EEF2KMT: variants seen among roughly 807,000 people sequenced by gnomAD.
EEF2KMT encodes the protein eukaryotic elongation factor 2 lysine methyltransferase.
A neutral mutation model predicts 35.1 loss-of-function variants in EEF2KMT; 30 were observed. The ratio of observed to expected loss-of-function variants is 0.85; its 90% CI spans 0.64 to 1.16. The LOEUF (loss-of-function observed/expected upper bound fraction) is 1.16, where lower values mean the gene tolerates loss of function less well. Among genes scored for constraint, EEF2KMT ranks in the 50% most tolerant of loss-of-function variants. The pLI, the probability that EEF2KMT is intolerant of heterozygous loss-of-function variation, is 0.00. For synonymous variants in EEF2KMT, 190 were observed against 187.7 expected (o/e 1.01, Z -0.10); for missense variants, 499 against 438.2 (o/e 1.14, Z -1.24).
intron 6 of EEF2KMT, 50 bp from the exon 7 acceptor site, chr16:5,089,306 G>A (rs541126538): frequency 3.9e-5 from 62 of 1,596,196 alleles, no homozygotes; most frequent in Non-Finnish European, 5.2e-5. Flanking sequence ...ACAGGTCCAG[G>A]TCATGCTGAC....
intron 1 of EEF2KMT, 80 bp downstream of exon 1, chr16:5,097,564 G>A (rs1957499908): frequency 1.3e-5 from 20 of 1,521,674 alleles, no homozygotes; most frequent in Non-Finnish European, 1.6e-5. Flanking sequence ...AGCGCCAGGG[G>A]CTTCAGCACG....
chr16:5,087,668 C>T (rs1419754073), intron 7 of EEF2KMT, among the ~76,000 whole-genome samples: 1 of 151,880 alleles, frequency 6.6e-6, no homozygotes, highest in Non-Finnish European at 1.5e-5. Context: ...TGTGGTAGCA[C>T]GTGCCTGTAG....
At chr16:5,089,290 C>T (rs1273812224) in intron 6 of EEF2KMT, 34 bp from the exon 7 acceptor site, 2 of 1,599,034 alleles carry the variant, frequency 1.3e-6, no homozygotes, top group East Asian at 2.2e-5. Flanking sequence ...TGAAAGGGAC[C>T]AGTGGACAGG....
In EEF2KMT at chr16:5,084,785, G is replaced by A; in HGVS notation, c.*847C>T. 1 of 1,596,474 alleles carries A rather than the reference G, an allele frequency of 6.3e-7. No individual in the cohort carries two copies. Among genetic ancestry groups the A allele is most frequent in the African/African-American group, 1.3e-5 (1 of 74,988 alleles). On this transcript the variant is annotated 3_prime_UTR_variant, in exon 8 of 8. Transcript: ENST00000427587. Reference sequence around the variant, plus strand: ...CAAACTTTCCTGATCCTGCGGGCAAGCTAAACCAGTTCCGGAAGAACCTGC... The same window carrying A: ...CAAACTTTCCTGATCCTGCGGGCAAACTAAACCAGTTCCGGAAGAACCTGC...
At chr16:5,087,413 C>G (rs1182523427) in intron 7 of EEF2KMT, 1 of 152,174 alleles carries the variant, frequency 6.6e-6, no homozygotes, top group Non-Finnish European at 1.5e-5. Context: ...GCCACAAACT[C>G]CTGGGCTTAA....
chr16:5,084,879 T>C lies in EEF2KMT; in HGVS notation c.*753A>G, dbSNP rs3204229. On this transcript the variant is annotated 3_prime_UTR_variant, in exon 8 of 8. Coordinates refer to ENST00000427587, the MANE Select transcript of EEF2KMT (RefSeq NM_201400.4). ...TGTGCTCCCTTTGGTTATGGACACA[T>C]AACTCCTGGGCCAGAGGCTAAAACC... is the stretch of plus-strand genomic sequence containing the variant. 12 of 1,592,846 alleles carry C rather than the reference T, an allele frequency of 7.5e-6. No homozygotes were observed. Among genetic ancestry groups the C allele is most frequent in the East Asian group, 2.2e-5 (1 of 44,766 alleles).
chr16:5,084,975 C>T lies in EEF2KMT; in HGVS notation c.*657G>A. On this transcript the variant is annotated 3_prime_UTR_variant, in exon 8 of 8. Transcript: ENST00000427587. Reference sequence around the variant, plus strand: ...GGGCAAACCCTTTCGAGCAGCACCTCCCAGTGGCCAGAAGCTGAAATGACA... The same window carrying T: ...GGGCAAACCCTTTCGAGCAGCACCTTCCAGTGGCCAGAAGCTGAAATGACA... The T allele has an allele frequency of 6.3e-7, 1 of 1,586,360 alleles. No homozygotes were observed. The highest frequency in any genetic ancestry group is 8.5e-7 in the Non-Finnish European group (1 of 1,170,852).
intron 3 of EEF2KMT, 49 bp downstream of exon 3, chr16:5,093,435 C>T: frequency 6.2e-7 from 1 of 1,611,286 alleles, no homozygotes; most frequent in Non-Finnish European, 8.5e-7. Flanking sequence ...CTCCAGCACG[C>T]AGGTGGCTAT....
rs1334574349 is a variant in EEF2KMT at position 5,097,720 on chromosome 16, G to C, written c.20C>G (p.Ala7Gly). MAPEEN[A>G]GTELLLQSFE... Reference sequence around the variant, plus strand: ...ACTCTGCAGCAAGAGTTCGGTCCCCGCGTTCTCCTCGGGCGCCATGACGTG... The same window carrying C: ...ACTCTGCAGCAAGAGTTCGGTCCCCCCGTTCTCCTCGGGCGCCATGACGTG... The change falls in exon 1 of 8, where the codon GCG becomes GGG. Residue 7 changes from alanine to glycine, a missense_variant. Transcript: ENST00000427587. The C allele has an allele frequency of 6.4e-7, 1 of 1,571,566 alleles. No homozygotes were observed. The highest frequency in any genetic ancestry group is 1.8e-5 in the Admixed American group (1 of 54,932).
chr16:5,096,901 C>G (rs1957480556), intron 1 of EEF2KMT, among the ~76,000 whole-genome samples: 1 of 152,242 alleles, frequency 6.6e-6, no homozygotes. Context: ...GAAATGATCT[C>G]TGAGTGCAAA....
chr16:5,084,972 C>T lies in EEF2KMT; in HGVS notation c.*660G>A. On this transcript the variant is annotated 3_prime_UTR_variant, in exon 8 of 8. Coordinates refer to ENST00000427587, the MANE Select transcript of EEF2KMT (RefSeq NM_201400.4). ...TCAGGGCAAACCCTTTCGAGCAGCACCTCCCAGTGGCCAGAAGCTGAAATG... is the reference window on the plus strand; with the variant it reads ...TCAGGGCAAACCCTTTCGAGCAGCATCTCCCAGTGGCCAGAAGCTGAAATG... 1 of 1,589,464 alleles carries T rather than the reference C, an allele frequency of 6.3e-7. No homozygotes were observed. The highest frequency in any genetic ancestry group is 8.5e-7 in the Non-Finnish European group (1 of 1,173,578).
rs1455513302 is a variant in EEF2KMT, at chr16:5,095,442, G to A, written c.159+10C>T. ...AGGGTCATGAGTCCCAGGGACTCTG[G>A]GATTCTTACCTTGTGCAAAATATCC... is the stretch of plus-strand genomic sequence containing the variant. On this transcript the variant is annotated intron_variant, in intron 2 of 7. Transcript: ENST00000427587. 1 of 1,611,482 alleles carries A rather than the reference G, an allele frequency of 6.2e-7. No homozygotes were observed. The highest frequency in any genetic ancestry group is 1.3e-5 in the African/African-American group (1 of 74,944).
chr16:5,093,424 G>A (rs1397140480), intron 3 of EEF2KMT, 60 bp downstream of exon 3: 6 of 1,609,628 alleles, frequency 3.7e-6, no homozygotes, highest in Admixed American at 1.7e-5. Flanking sequence ...AAGGACGGGG[G>A]CTCCAGCACG....
intron 1 of EEF2KMT, 45 bp from the exon 2 acceptor site, chr16:5,095,559 G>C: frequency 6.2e-7 from 1 of 1,609,760 alleles, no homozygotes; most frequent in Non-Finnish European, 8.5e-7. Context: ...GCATTCACAG[G>C]AACATTAAAC....
chr16:5,097,548 G>A, intron 1 of EEF2KMT, 96 bp downstream of exon 1: 1 of 1,507,778 alleles, frequency 6.6e-7, no homozygotes, highest in Non-Finnish European at 8.8e-7. Context: ...GAACTCACGT[G>A]GCGGGAGCGC....
chr16:5,097,789 C>T lies in EEF2KMT; in HGVS notation c.-50G>A, dbSNP rs1596284058. 2.0e-6 allele frequency: 3 copies of T among 1,528,214 alleles called. No individual in the cohort carries two copies. In the East Asian group the frequency reaches 7.4e-5, roughly 38 times the overall value. The allele number at this position is 1,528,214 out of a possible 1,614,324, so 94.7% of individuals were successfully genotyped here. On this transcript the variant is annotated 5_prime_UTR_variant, in exon 1 of 8. Transcript: ENST00000427587. ...CCGGCAGACCGGGCGGAAGCCCGGC[C>T]TGGACTGAAGAGGGGGCGGGCCCAG...
At chr16:5,093,453 G>A (rs374995768) in intron 3 of EEF2KMT, 31 bp downstream of exon 3, 12 of 1,611,598 alleles carry the variant, frequency 7.4e-6, no homozygotes, top group South Asian at 3.3e-5. Context: ...TATGCTGTCC[G>A]GCTACTGGGC....
In EEF2KMT at chr16:5,085,066, C is replaced by G. The variant is rs2142734147; in HGVS notation, c.*566G>C. 2 of 1,110,542 alleles carry G rather than the reference C, an allele frequency of 1.8e-6. No homozygotes were observed. Among genetic ancestry groups the G allele is most frequent in the East Asian group, 2.6e-5 (1 of 39,110 alleles). 68.8% of individuals were successfully genotyped at this position (1,110,542 alleles called of 1,614,324 possible). The stretch of plus-strand genomic sequence containing the variant: ...GGGAAGCTTTGGTTGGCCTTGATTT[C>G]TTCTCTGGAGGCTTGGAAACGCTTC... On this transcript the variant is annotated 3_prime_UTR_variant, in exon 8 of 8. Coordinates refer to ENST00000427587, the MANE Select transcript of EEF2KMT (RefSeq NM_201400.4).
chr16:5,084,630 G>A lies in EEF2KMT; in HGVS notation c.*1002C>T. ...TGTGAAGGGTCTCGAGTCCAAGTGA[G>A]GGAGTTAGGGACTTGGGAGGGGTTG... is the stretch of plus-strand genomic sequence containing the variant. On this transcript the variant is annotated 3_prime_UTR_variant, in exon 8 of 8. Coordinates refer to ENST00000427587, the MANE Select transcript of EEF2KMT (RefSeq NM_201400.4). The A allele has an allele frequency of 4.8e-6, 7 of 1,471,122 alleles. No homozygotes were observed. The South Asian group carries it at 8.1e-5, about 17-fold the overall frequency. 91.1% of individuals were successfully genotyped at this position (1,471,122 alleles called of 1,614,324 possible).
Sources: gnomAD v4.1 joint callset for allele counts (sites outside exome capture counted in the v4.1 genomes callset) on GRCh38, gnomAD v4.1.1 for gene constraint, MANE v1.5 for transcripts, NCBI Gene and HGNC (gene_info 2026-07-23, HGNC 2026-07-21) for gene names.